Variants in PRDM10 observed in about 807,000 individuals in gnomAD.
The protein encoded by PRDM10 is PR/SET domain 10, also known as PR domain zinc finger protein 10.
A neutral mutation model predicts 133.1 loss-of-function variants in PRDM10; 65 were observed. The ratio of observed to expected loss-of-function variants is 0.49; its 90% CI spans 0.40 to 0.60. The LOEUF (loss-of-function observed/expected upper bound fraction) is 0.60. Ranked by LOEUF, PRDM10 falls within the 20% of genes least tolerant of loss-of-function variation. PRDM10 has a pLI of 0.00. For synonymous variants in PRDM10, 582 were observed against 580.4 expected (o/e 1.00, Z -0.04); for missense variants, 1,137 against 1,507.1 (o/e 0.75, Z 4.07).
At chr11:129,991,692 G>A (rs879753439) in intron 1 of PRDM10, among the ~76,000 whole-genome samples, 5 of 152,110 alleles carry the variant, frequency 3.3e-5, no homozygotes, top group South Asian at 2.1e-4. Context: ...AGTGGCACGC[G>A]CCTGCAATCC....
At chr11:129,989,004 G>A (rs2135988461) in intron 1 of PRDM10, among the ~76,000 whole-genome samples, 1 of 152,296 alleles carries the variant, frequency 6.6e-6, no homozygotes, top group African/African-American at 2.4e-5. Flanking sequence ...GTAACTATGA[G>A]AGAGACAAGC....
At chr11:129,964,851 TA>T (rs1305228916) in intron 1 of PRDM10, among the ~76,000 whole-genome samples, 2 of 152,244 alleles carry the variant, frequency 1.3e-5, no homozygotes, top group African/African-American at 2.4e-5. Flanking sequence ...CTATCATATG[TA>T]AAATGGAGAT....
chr11:129,917,082 G>A (rs750425846), intron 15 of PRDM10, 45 bp downstream of exon 15: 16 of 1,421,348 alleles, frequency 1.1e-5, no homozygotes, highest in Middle Eastern at 1.8e-4. Context: ...TCAGCTCTAA[G>A]CAGGGAACCC....
At chr11:129,949,277 A>C (rs1157732140) in intron 4 of PRDM10, among the ~76,000 whole-genome samples, 1 of 152,174 alleles carries the variant, frequency 6.6e-6, no homozygotes, top group Non-Finnish European at 1.5e-5. Context: ...TCTGAACCTC[A>C]GTTTCTTTGT....
At chr11:129,992,023 G>T (rs1012727775) in intron 1 of PRDM10, among the ~76,000 whole-genome samples, 2 of 152,096 alleles carry the variant, frequency 1.3e-5, no homozygotes, top group South Asian at 2.1e-4. Context: ...ATTTTCTTCC[G>T]CAGGAGACAC....
chr11:129,957,984 TA>T, intron 2 of PRDM10, 74 bp from the exon 3 acceptor site: 2 of 1,478,028 alleles, frequency 1.4e-6, no homozygotes, highest in Non-Finnish European at 1.8e-6. Context: ...CCTGGGTTTC[TA>T]AAAGATCCCC....
intron 17 of PRDM10, chr11:129,914,464 A>T (rs1311700910): frequency 1.7e-6 from 1 of 595,970 alleles, no homozygotes; most frequent in South Asian, 1.9e-5. Context: ...CTGCCACAGC[A>T]CAGGAGGCTT....
chr11:129,918,812 TCA>T lies in PRDM10; in HGVS notation c.2035-96_2035-95del. Reference sequence around the variant, plus strand: ...TTTAAAAATCAATACAAATTAGCAGTCACCACAAGCCTCCAAGAGACATTTGA... The same window carrying T: ...TTTAAAAATCAATACAAATTAGCAGTCCACAAGCCTCCAAGAGACATTTGA... On this transcript the variant is annotated intron_variant, in intron 13 of 20. Coordinates refer to ENST00000360871, the MANE Select transcript of PRDM10 (RefSeq NM_199437.2). This position sits in a 1 kb window ranked among gnomAD's most constrained non-coding sequence, Gnocchi z 5.3. 7.9e-7 allele frequency: 1 copy of T among 1,259,790 alleles called. No homozygotes were observed. The highest frequency in any genetic ancestry group is 1.4e-5 in the South Asian group (1 of 69,710). 78.0% of individuals were successfully genotyped at this position (1,259,790 alleles called of 1,614,324 possible).
In PRDM10 at chr11:129,945,768, G is replaced by T. The variant is rs371552749; in HGVS notation, c.521-756C>A. 3.4e-3 allele frequency among the ~76,000 whole-genome samples: 513 copies of T among 152,316 alleles called. 7 individuals carry two copies. Among genetic ancestry groups the T allele is most frequent in the African/African-American group, 0.012 (488 of 41,572 alleles). ...AGAGCAAATGGACCACACAGGCCATGCCCACAACCCTTAACACACTTAACA... is the reference window on the plus strand; with the variant it reads ...AGAGCAAATGGACCACACAGGCCATTCCCACAACCCTTAACACACTTAACA... On this transcript the variant is annotated intron_variant, in intron 5 of 20. Transcript: ENST00000360871. The surrounding 1 kb of genome is among the most constrained non-coding windows in gnomAD (Gnocchi z 4.2).
At position 129,923,544 on chromosome 11, in the gene PRDM10, A is replaced by C. The variant is rs1950576840; in HGVS notation, c.1879-141T>G. ...CCGCCGAGGAATCCAATCAGATGTG[A>C]TAATTGGCCTCAATAACACATACTG... On this transcript the variant is annotated intron_variant, in intron 12 of 20. Transcript: ENST00000360871. This position sits in a 1 kb window ranked among gnomAD's most constrained non-coding sequence, Gnocchi z 4.4. The C allele has an allele frequency of 2.3e-6, 2 of 868,120 alleles. No homozygotes were observed. The highest frequency in any genetic ancestry group is 3.4e-6 in the Non-Finnish European group (2 of 592,806). 53.8% of individuals were successfully genotyped at this position (868,120 alleles called of 1,614,324 possible).
At chr11:129,931,353 T>A in intron 10 of PRDM10, 95 bp from the exon 11 acceptor site, 1 of 1,442,810 alleles carries the variant, frequency 6.9e-7, no homozygotes, top group Admixed American at 2.3e-5. Context: ...ACTAGATTCA[T>A]AATACTCAGA....
intron 4 of PRDM10, among the ~76,000 whole-genome samples, chr11:129,948,811 A>G (rs886078907): frequency 2.0e-5 from 3 of 152,208 alleles, no homozygotes; most frequent in African/African-American, 2.4e-5. Context: ...CCATATTTTT[A>G]TTAATACAAC....
intron 11 of PRDM10, among the ~76,000 whole-genome samples, chr11:129,930,030 T>C (rs1950803134): frequency 6.6e-6 from 1 of 152,228 alleles, no homozygotes; most frequent in South Asian, 2.1e-4. Flanking sequence ...GCCTCAGTTC[T>C]TAGAGCCCTT....
chr11:129,952,356 T>C (rs1366020785), intron 4 of PRDM10, among the ~76,000 whole-genome samples: 1 of 152,206 alleles, frequency 6.6e-6, no homozygotes, highest in South Asian at 2.1e-4. Context: ...CACCCTTGTA[T>C]ACTATACTGT....
chr11:129,953,558 T>C (rs951389956), intron 4 of PRDM10, among the ~76,000 whole-genome samples: 1 of 152,156 alleles, frequency 6.6e-6, no homozygotes, highest in Non-Finnish European at 1.5e-5. Flanking sequence ...CCTCCCAAAG[T>C]GTTGGGATTA....
chr11:129,973,972 C>T (rs1937630137), intron 1 of PRDM10, among the ~76,000 whole-genome samples: 1 of 152,234 alleles, frequency 6.6e-6, no homozygotes, highest in African/African-American at 2.4e-5. Context: ...TCTGCATTCC[C>T]AGCGCGCTCA....
At chr11:129,924,150 T>C (rs1950606073) in intron 12 of PRDM10, among the ~76,000 whole-genome samples, 2 of 152,382 alleles carry the variant, frequency 1.3e-5, no homozygotes, top group Non-Finnish European at 2.9e-5. Flanking sequence ...GAGTTTCTTT[T>C]GCCATTAAAT....
intron 1 of PRDM10, among the ~76,000 whole-genome samples, chr11:129,987,930 G>A (rs1246703637): frequency 1.3e-5 from 2 of 152,190 alleles, no homozygotes; most frequent in Non-Finnish European, 2.9e-5. Flanking sequence ...GAACCCAGGA[G>A]GCGGAGCTTG....
intron 1 of PRDM10, among the ~76,000 whole-genome samples, chr11:129,991,585 G>A (rs1025629205): frequency 3.3e-5 from 5 of 151,908 alleles, no homozygotes; most frequent in South Asian, 2.1e-4. Context: ...TTGGGAGGCC[G>A]AGAGGGGTGG....
Sources: gnomAD v4.1 joint callset for allele counts (sites outside exome capture counted in the v4.1 genomes callset) on GRCh38, gnomAD v4.1.1 for gene constraint, Gnocchi (gnomAD v3.1) non-coding constraint, MANE v1.5 for transcripts, NCBI Gene and HGNC (gene_info 2026-07-23, HGNC 2026-07-21) for gene names.